The following PLEKHM2 variants were observed in gnomAD, a reference collection of about 807,000 sequenced individuals.
The protein encoded by PLEKHM2 is pleckstrin homology and RUN domain containing M2.
A neutral mutation model predicts 116.3 loss-of-function variants in PLEKHM2; 77 were observed. The observed-to-expected ratio is 0.66, with a 90% confidence interval of 0.55 to 0.80. PLEKHM2 has a LOEUF of 0.80. PLEKHM2 is among the 30% of genes least tolerant of loss of function. The pLI is 0.00. For missense variants in PLEKHM2, 1,183 were observed against 1,354.9 expected (o/e 0.87, Z 1.99); for synonymous variants, 562 against 571.0 (o/e 0.98, Z 0.22).
chr1:15,688,649 CAAA>C (rs36016839), intron 1 of PLEKHM2, among the ~76,000 whole-genome samples: 12 of 88,796 alleles, frequency 1.4e-4, no homozygotes, highest in Non-Finnish European at 7.2e-5. Flanking sequence ...GACTCTGTCT[CAAA>C]AAAAAAAAAA....
intron 7 of PLEKHM2, among the ~76,000 whole-genome samples, chr1:15,723,847 T>TGG (rs965878386): frequency 1.7e-4 from 25 of 150,500 alleles, no homozygotes; most frequent in African/African-American, 6.1e-4. Flanking sequence ...GGGCCCCCAG[T>TGG]GGGGCTGTGG....
At chr1:15,731,860 T>C in intron 16 of PLEKHM2, 29 bp from the exon 17 acceptor site, 4 of 1,597,320 alleles carry the variant, frequency 2.5e-6, no homozygotes, top group Non-Finnish European at 3.4e-6. Flanking sequence ...GCCTCCTCGC[T>C]CCCGTTTCAC....
At chr1:15,731,302 G>A (rs1359668148) in intron 16 of PLEKHM2, 45 bp downstream of exon 16, 4 of 1,422,906 alleles carry the variant, frequency 2.8e-6, no homozygotes, top group East Asian at 4.9e-5. Context: ...GCCCAGAGCT[G>A]CCGTTTCCCT....
At position 15,728,529 on chromosome 1, in the gene PLEKHM2, T is replaced by C. The variant is rs2068096884; in HGVS notation, c.1922-140T>C. 4 of 969,548 alleles carry C rather than the reference T, an allele frequency of 4.1e-6. No individual in the cohort carries two copies. The highest frequency in any genetic ancestry group is 6.3e-6 in the Non-Finnish European group (4 of 636,782). 60.1% of individuals were successfully genotyped at this position (969,548 alleles called of 1,614,324 possible). A position where few individuals can be genotyped will look rare whatever the true frequency, so the allele number is the denominator to read the frequency against. On this transcript the variant is annotated intron_variant, in intron 11 of 19. Transcript: ENST00000375799. The surrounding 1 kb of genome is among the most constrained non-coding windows in gnomAD (Gnocchi z 5.9). Reference sequence around the variant, plus strand: ...CCTGAGACGTGAGCCTGGGGCTCCCTCTGTGAGCACTCCACGCCATTCTCC... The same window carrying C: ...CCTGAGACGTGAGCCTGGGGCTCCCCCTGTGAGCACTCCACGCCATTCTCC...
upstream of PLEKHM2, among the ~76,000 whole-genome samples, chr1:15,683,901 G>T (rs1273700915): frequency 1.3e-5 from 2 of 148,438 alleles, no homozygotes; most frequent in Admixed American, 6.7e-5. Flanking sequence ...GTCCCTGAGG[G>T]AATCTGTGGG....
At chr1:15,709,542 C>T (rs1641288530) in intron 1 of PLEKHM2, among the ~76,000 whole-genome samples, 1 of 152,148 alleles carries the variant, frequency 6.6e-6, no homozygotes, top group East Asian at 1.9e-4. Flanking sequence ...TTTTATAACC[C>T]ATTTTGCAGA....
At chr1:15,722,859 ACCC>A (rs2068013888) in intron 7 of PLEKHM2, 2 of 151,656 alleles carry the variant, frequency 1.3e-5, no homozygotes, top group African/African-American at 2.4e-5. Flanking sequence ...CTAACAACTA[ACCC>A]CCCTCCTGAC....
chr1:15,704,316 T>G (rs1303635826), intron 1 of PLEKHM2, among the ~76,000 whole-genome samples: 1 of 143,158 alleles, frequency 7.0e-6, no homozygotes, highest in Non-Finnish European at 1.5e-5. Context: ...CTCCCTCCCT[T>G]CCTCCCTTCC....
chr1:15,689,383 T>G (rs190702638), intron 1 of PLEKHM2, among the ~76,000 whole-genome samples: 8 of 152,282 alleles, frequency 5.3e-5, no homozygotes, highest in African/African-American at 1.4e-4. Context: ...AGGACAGGCG[T>G]GACCTGTCTT....
In PLEKHM2 at chr1:15,716,781, A is replaced by G; in HGVS notation, c.242A>G (p.Glu81Gly). Residue 81 changes from glutamate (E) to glycine (G), a missense_variant, in exon 3 of 20, where the codon GAG becomes GGG. Transcript: ENST00000375799. ...CGGAGAGAGGCCATCAAGCAGATCG[A>G]GGTGCTGCAGCACGTGGCCACCAAC... Reference protein sequence around the residue: ...FTRREAIKQIEVLQHVATNLG... With the variant: ...FTRREAIKQIGVLQHVATNLG... 1 of 1,573,722 alleles carries G rather than the reference A, an allele frequency of 6.4e-7. No homozygotes were observed.
In PLEKHM2 at chr1:15,727,346, C is replaced by G; in HGVS notation, c.1274C>G (p.Thr425Ser). Residue 425 changes from threonine (T) to serine (S), a missense_variant, in exon 9 of 20, where the codon ACC becomes AGC. Physicochemically the swap from Thr to Ser is moderately conservative, Grantham distance 58. Coordinates refer to ENST00000375799, the MANE Select transcript of PLEKHM2 (RefSeq NM_015164.4). The surrounding 1 kb of genome is among the most constrained non-coding windows in gnomAD (Gnocchi z 7.5). ...CTCAACGGGCAGCTGGACCCCAGCA[C>G]CTGGTGCTCCCGTGCTGAGCCCCCA... The part of the protein sequence containing the change: ...DQLNGQLDPS[T>S]WCSRAEPPDQ... The G allele has an allele frequency of 1.9e-6, 3 of 1,597,026 alleles. No homozygotes were observed. Among genetic ancestry groups the G allele is most frequent in the Non-Finnish European group, 2.6e-6 (3 of 1,172,656 alleles).
rs1480956763 is a variant in PLEKHM2 at position 15,725,508 on chromosome 1, G to C, written c.904G>C (p.Asp302His). 1.3e-6 allele frequency: 2 copies of C among 1,576,162 alleles called. No individual in the cohort carries two copies. The highest frequency in any genetic ancestry group is 1.8e-5 in the Admixed American group (1 of 54,852). The change falls in exon 8 of 20, where the codon GAC (aspartate) becomes CAC (histidine). Residue 302 changes from aspartate to histidine, a missense_variant. Transcript: ENST00000375799. ...SQEKEEAQAL[D>H]PPDACTELEV... ...GGAGAAGGAGGAGGCCCAGGCCCTG[G>C]ACCCGCCGGATGCCTGCACGGAGCT...
rs1229019596 is a variant in PLEKHM2 at position 15,718,052 on chromosome 1, A to G, written c.377+60A>G. 7.5e-6 allele frequency: 8 copies of G among 1,068,470 alleles called. No homozygotes were observed. In the African/African-American group the frequency reaches 1.1e-4, roughly 15 times the overall value. 66.2% of individuals were successfully genotyped at this position (1,068,470 alleles called of 1,614,324 possible). A position where few individuals can be genotyped will look rare whatever the true frequency, so the allele number is the denominator to read the frequency against. On this transcript the variant is annotated intron_variant, in intron 4 of 19. Transcript: ENST00000375799. The stretch of plus-strand genomic sequence containing the variant: ...CAGAGCTCCCTTTCAGCTACCTCCC[A>G]AAGGCTCTTGTCATGCAGACAGCAC...
chr1:15,730,324 C>T (rs1008004159), intron 14 of PLEKHM2, among the ~76,000 whole-genome samples: 7 of 152,370 alleles, frequency 4.6e-5, no homozygotes, highest in Admixed American at 2.0e-4. Context: ...CGCCTGTAAT[C>T]CCAGCTACTT....
chr1:15,682,600 C>A, upstream of PLEKHM2, among the ~76,000 whole-genome samples: 1 of 145,560 alleles, frequency 6.9e-6, no homozygotes, highest in African/African-American at 2.6e-5. Context: ...GCCTGGGGAA[C>A]AGAGCAAGGC....
intron 1 of PLEKHM2, among the ~76,000 whole-genome samples, chr1:15,704,729 C>A (rs548177660): frequency 6.6e-6 from 1 of 152,188 alleles, no homozygotes; most frequent in African/African-American, 2.4e-5. Flanking sequence ...ATGTGCTTTC[C>A]TCATGGTCCC....
chr1:15,702,416 T>G (rs935618879), intron 1 of PLEKHM2, among the ~76,000 whole-genome samples: 3 of 148,824 alleles, frequency 2.0e-5, no homozygotes, highest in South Asian at 2.1e-4. Flanking sequence ...TTCAGGTGGG[T>G]TTTTTTTTTC....
intron 1 of PLEKHM2, among the ~76,000 whole-genome samples, chr1:15,713,840 A>G (rs757898404): frequency 2.0e-5 from 3 of 151,148 alleles, no homozygotes; most frequent in African/African-American, 4.9e-5. Flanking sequence ...GGGTTTCACT[A>G]TGTTAGCCAG....
At position 15,728,704 on chromosome 1, in the gene PLEKHM2, G is replaced by A. The variant is rs746715478; in HGVS notation, c.1957G>A (p.Val653Ile). 65 of 1,611,402 alleles carry A rather than the reference G, an allele frequency of 4.0e-5. No homozygotes were observed. The highest frequency in any genetic ancestry group is 2.3e-4 in the African/African-American group (17 of 74,888). ...TEKPYLVEEA[V>I]SYNELDYVSV... is the part of the protein sequence containing the mutation. The stretch of plus-strand genomic sequence containing the variant: ...GAAGCCATACCTGGTGGAAGAGGCC[G>A]TTTCTTACAATGAACTTGACTATGT... The change falls in exon 12 of 20, where the codon GTT becomes ATT. Residue 653 changes from valine to isoleucine, a missense_variant. By Grantham distance (29) the Val-to-Ile change is conservative (BLOSUM62 3). Transcript: ENST00000375799. The surrounding 1 kb of genome is among the most constrained non-coding windows in gnomAD (Gnocchi z 5.9).
Sources: gnomAD v4.1 joint callset for allele counts (sites outside exome capture counted in the v4.1 genomes callset) on GRCh38, gnomAD v4.1.1 for gene constraint, Gnocchi (gnomAD v3.1) non-coding constraint, MANE v1.5 for transcripts, NCBI Gene and HGNC (gene_info 2026-07-23, HGNC 2026-07-21) for gene names.